Variants in TCEA2 observed in about 807,000 individuals in gnomAD.
The protein encoded by TCEA2 is transcription elongation factor A protein 2.
TCEA2 carries 21 observed loss-of-function variants against 40.8 expected under a neutral mutation model. That is an observed-to-expected ratio of 0.51 (90% CI 0.36 to 0.74). The LOEUF (loss-of-function observed/expected upper bound fraction) is 0.74. TCEA2 is among the 30% of genes least tolerant of loss of function. The pLI is 0.00. For synonymous variants in TCEA2, 165 were observed against 162.7 expected, an observed-to-expected ratio of 1.01 and a Z score of -0.11; for missense variants, 326 against 426.5, an observed-to-expected ratio of 0.76 and a Z score of 2.08.
intron 6 of TCEA2, 143 bp from the exon 7 acceptor site, chr20:64,070,117 C>T (rs561473287): frequency 3.4e-5 from 43 of 1,270,390 alleles, no homozygotes; most frequent in African/African-American, 2.1e-4. Context: ...TTCACCTCTC[C>T]ACCAGGTGTG....
At chr20:64,063,923 G>A (rs1318479225) in intron 1 of TCEA2, 1 of 153,458 alleles carries the variant, frequency 6.5e-6, no homozygotes, top group Non-Finnish European at 1.5e-5. Context: ...CATAGCATTT[G>A]TCGCCGGCAA....
upstream of TCEA2, chr20:64,062,786 T>C (rs1272211153): frequency 6.6e-6 from 1 of 152,172 alleles, no homozygotes; most frequent in African/African-American, 2.4e-5. Context: ...GGGACGGCCT[T>C]CTAGGCCAAG....
chr20:64,065,284 G>T (rs1256475090), intron 1 of TCEA2, among the ~76,000 whole-genome samples: 1 of 141,820 alleles, frequency 7.1e-6, no homozygotes, highest in Non-Finnish European at 1.5e-5. Flanking sequence ...GAGGGCTCAG[G>T]AGGGGCTGCA....
upstream of TCEA2, chr20:64,063,077 C>T (rs574169969): frequency 1.9e-5 from 5 of 270,204 alleles, no homozygotes; most frequent in Non-Finnish European, 3.4e-5. Flanking sequence ...CGCGTGGCGC[C>T]TGGGAGTTGT....
At position 64,058,162 on chromosome 20, in the gene TCEA2, G is replaced by T. The variant is rs376547694; in HGVS notation, c.-84+511G>T. Among the ~76,000 whole-genome samples the T allele has an allele frequency of 3.3e-5, 5 of 152,128 alleles. No individual in the cohort carries two copies. Among genetic ancestry groups the T allele is most frequent in the African/African-American group, 1.2e-4 (5 of 41,430 alleles). On this transcript the variant is annotated intron_variant, in intron 1 of 10. Coordinates refer to the TCEA2 transcript ENST00000361317. The surrounding 1 kb of genome is among the most constrained non-coding windows in gnomAD (Gnocchi z 6.7). Reference sequence around the variant, plus strand: ...TGCGGCCCGCAGGTCAGAGGCACCCGACCTCTTCTGCTAACCCCCTTCCCT... The same window carrying T: ...TGCGGCCCGCAGGTCAGAGGCACCCTACCTCTTCTGCTAACCCCCTTCCCT...
upstream of TCEA2, among the ~76,000 whole-genome samples, chr20:64,061,491 G>C (rs1019805072): frequency 2.0e-5 from 3 of 152,058 alleles, no homozygotes; most frequent in African/African-American, 7.2e-5. Flanking sequence ...TAGCCAGTAT[G>C]GTCTCGATCT....
At chr20:64,069,673 G>A in intron 5 of TCEA2, 92 bp from the exon 6 acceptor site, 1 of 1,549,108 alleles carries the variant, frequency 6.5e-7, no homozygotes. Flanking sequence ...GGACCCGGAT[G>A]TGCCCTCTAA....
In TCEA2 at chr20:64,070,311, G is replaced by T; in HGVS notation, c.569G>T (p.Arg190Leu). The T allele has an allele frequency of 6.2e-7, 1 of 1,614,218 alleles. No individual in the cohort carries two copies. Among genetic ancestry groups the T allele is most frequent in the Non-Finnish European group, 8.5e-7 (1 of 1,180,036 alleles). The change falls in exon 7 of 10, where the codon CGG (arginine) becomes CTG (leucine). Residue 190 changes from arginine to leucine, a missense_variant. Coordinates refer to ENST00000343484, the MANE Select transcript of TCEA2 (RefSeq NM_003195.6). ...NTDMKYKNRV[R>L]SRISNLKDAK... is the part of the protein sequence containing the mutation. Reference sequence around the variant, plus strand: ...GACATGAAGTATAAGAACCGTGTACGGAGTCGTATCTCCAACCTGAAGGAT... The same window carrying T: ...GACATGAAGTATAAGAACCGTGTACTGAGTCGTATCTCCAACCTGAAGGAT...
intron 1 of TCEA2, among the ~76,000 whole-genome samples, chr20:64,064,878 C>G (rs987133500): frequency 6.6e-6 from 1 of 151,740 alleles, no homozygotes; most frequent in Non-Finnish European, 1.5e-5. Context: ...GAGTTGTTCC[C>G]CTTCTTAAAG....
chr20:64,067,797 C>T (rs935521887), intron 3 of TCEA2, among the ~76,000 whole-genome samples: 6 of 152,142 alleles, frequency 3.9e-5, no homozygotes, highest in African/African-American at 7.2e-5. Flanking sequence ...GGTGCTTGTA[C>T]GGGAAAGGGT....
At chr20:64,066,630 C>T in intron 2 of TCEA2, 92 bp downstream of exon 2, 1 of 1,444,070 alleles carries the variant, frequency 6.9e-7, no homozygotes, top group Non-Finnish European at 9.6e-7. Flanking sequence ...CTTCCCCACC[C>T]TCCCCACCAG....
chr20:64,064,962 G>A lies in TCEA2; in HGVS notation c.73-1514G>A, dbSNP rs1455304136. 2.0e-5 allele frequency among the ~76,000 whole-genome samples: 3 copies of A among 151,646 alleles called. No homozygotes were observed. In the East Asian group the frequency reaches 5.8e-4, roughly 29 times the overall value. On this transcript the variant is annotated intron_variant, in intron 1 of 9. Coordinates refer to ENST00000343484, the MANE Select transcript of TCEA2 (RefSeq NM_003195.6). ...GGTCATGGAGCCAGGGGAGGGCTGGGTGGGGCTGGGCAGAACTGATGGGGG... is the reference window on the plus strand; with the variant it reads ...GGTCATGGAGCCAGGGGAGGGCTGGATGGGGCTGGGCAGAACTGATGGGGG...
At chr20:64,057,129 G>C (rs2059482162), upstream of TCEA2, 1 of 152,158 alleles carries the variant, frequency 6.6e-6, no homozygotes, top group South Asian at 2.1e-4. Flanking sequence ...TCCTCACCCT[G>C]TGGCAGCTCC....
intron 9 of TCEA2, 98 bp from the exon 10 acceptor site, chr20:64,072,074 T>C: frequency 1.3e-6 from 2 of 1,596,678 alleles, no homozygotes; most frequent in Non-Finnish European, 8.6e-7. Context: ...TTGGGCATGG[T>C]GGGTGGAGAG....
At chr20:64,064,530 A>G (rs2059643212) in intron 1 of TCEA2, among the ~76,000 whole-genome samples, 1 of 152,112 alleles carries the variant, frequency 6.6e-6, no homozygotes, top group African/African-American at 2.4e-5. Flanking sequence ...CCAGACTGTG[A>G]ACTCCTGGGG....
In TCEA2 at chr20:64,072,261, A is replaced by G; in HGVS notation, c.*81A>G. ...GACACAGCTTCTCTGGAGACCCTAG[A>G]AGGCGGCATGTCCTGCCCTCAACCT... On this transcript the variant is annotated 3_prime_UTR_variant, in exon 10 of 10. Coordinates refer to ENST00000343484, the MANE Select transcript of TCEA2 (RefSeq NM_003195.6). 1.3e-6 allele frequency: 2 copies of G among 1,524,660 alleles called. No individual in the cohort carries two copies. The highest frequency in any genetic ancestry group is 1.8e-6 in the Non-Finnish European group (2 of 1,113,034). The allele number at this position is 1,524,660 out of a possible 1,614,324, so 94.4% of individuals were successfully genotyped here.
intron 2 of TCEA2, 88 bp downstream of exon 2, chr20:64,066,626 C>T (rs2059700843): frequency 6.9e-7 from 1 of 1,445,622 alleles, no homozygotes. Context: ...AGGGCTTCCC[C>T]ACCCTCCCCA....
rs750590801 is a variant in TCEA2 at position 64,071,859 on chromosome 20, C to T, written c.820-11C>T. On this transcript the variant is annotated splice_polypyrimidine_tract_variant and intron_variant, in intron 8 of 9. Transcript: ENST00000343484. Reference sequence around the variant, plus strand: ...GGAGGTGACCCTGGGTTCACCCAGCCCTGTTCACAGGTGCAGACCCGCAGC... The same window carrying T: ...GGAGGTGACCCTGGGTTCACCCAGCTCTGTTCACAGGTGCAGACCCGCAGC... 5 of 1,613,892 alleles carry T rather than the reference C, an allele frequency of 3.1e-6. No individual in the cohort carries two copies. Among genetic ancestry groups the T allele is most frequent in the Non-Finnish European group, 3.4e-6 (4 of 1,179,966 alleles).
intron 8 of TCEA2, 77 bp from the exon 9 acceptor site, chr20:64,071,793 G>C: frequency 6.4e-7 from 1 of 1,552,096 alleles, no homozygotes; most frequent in Non-Finnish European, 8.8e-7. Context: ...TGCGAGGCCC[G>C]CACTGCCCAT....
Sources: gnomAD v4.1 joint callset for allele counts (sites outside exome capture counted in the v4.1 genomes callset) on GRCh38, gnomAD v4.1.1 for gene constraint, Gnocchi (gnomAD v3.1) non-coding constraint, MANE v1.5 for transcripts, NCBI Gene and HGNC (gene_info 2026-07-23, HGNC 2026-07-21) for gene names.